HTRA2: variants seen among roughly 807,000 people sequenced by gnomAD.
The protein encoded by HTRA2 is serine protease HTRA2, mitochondrial.
In HTRA2, 24 loss-of-function variants were observed where a neutral mutation model predicts 42.2. The ratio of observed to expected loss-of-function variants is 0.57; its 90% CI spans 0.41 to 0.80. HTRA2 has a LOEUF of 0.80. Among genes scored for constraint, HTRA2 ranks in the 30% least tolerant of loss-of-function variants. The pLI is 0.00. For missense variants in HTRA2, 466 were observed against 613.5 expected (o/e 0.76, Z 2.54); for synonymous variants, 245 against 255.8 (o/e 0.96, Z 0.40).
At position 74,529,935 on chromosome 2, in the gene HTRA2, A is replaced by T. The variant is rs1675461517; in HGVS notation, c.-72A>T. The T allele has an allele frequency of 4.7e-6, 7 of 1,489,732 alleles. No individual in the cohort carries two copies. Among genetic ancestry groups the T allele is most frequent in the Non-Finnish European group, 6.2e-6 (7 of 1,125,334 alleles). 92.3% of individuals were successfully genotyped at this position (1,489,732 alleles called of 1,614,324 possible). On this transcript the variant is annotated 5_prime_UTR_variant, in exon 1 of 8. Transcript: ENST00000258080. ...CAGGTACCGGCGTGCCCCGCGTCCT[A>T]CTGTCCGCCTGCTCGCGTCCTGGGT... is the stretch of plus-strand genomic sequence containing the variant.
upstream of HTRA2, chr2:74,529,770 A>G (rs770889437): frequency 1.2e-4 from 181 of 1,474,564 alleles, no homozygotes; most frequent in Non-Finnish European, 1.6e-4. Flanking sequence ...CGGAAGGGCT[A>G]GCGGTCCCAG....
At position 74,532,268 on chromosome 2, in the gene HTRA2, C is replaced by T. The variant is rs1474974530; in HGVS notation, c.1115+343C>T. 3.9e-5 allele frequency: 19 copies of T among 482,338 alleles called. No individual in the cohort carries two copies. In the East Asian group the frequency reaches 7.4e-4, roughly 19 times the overall value. The allele number at this position is 482,338 out of a possible 1,614,324, so 29.9% of individuals were successfully genotyped here. ...ACTCAGCCAACCTGATTTCCTACTC[C>T]CATGTTTTTTATTTATGCTGTTCTT... On this transcript the variant is annotated intron_variant, in intron 6 of 7. Transcript: ENST00000258080.
upstream of HTRA2, chr2:74,529,582 G>A: frequency 6.4e-7 from 1 of 1,565,922 alleles, no homozygotes; most frequent in South Asian, 1.2e-5. Context: ...TCTCTTACCG[G>A]TGCGAGTCAA....
chr2:74,532,658 C>G lies in HTRA2; in HGVS notation c.1155C>G (p.Pro385=), dbSNP rs150357486. The part of the protein sequence containing the change: ...AELQLREPSF[P]DVQHGVLIHK... ...TACAGCTTCGAGAACCAAGCTTTCC[C>G]GATGTTCAGCATGGTGTACTCATCC... The change falls in exon 7 of 8, where the codon CCC becomes CCG. Residue 385 remains proline, a synonymous_variant. Transcript: ENST00000258080. 1 of 1,613,676 alleles carries G rather than the reference C, an allele frequency of 6.2e-7. No homozygotes were observed. The highest frequency in any genetic ancestry group is 8.5e-7 in the Non-Finnish European group (1 of 1,179,972).
upstream of HTRA2, chr2:74,529,893 G>A: frequency 6.9e-7 from 1 of 1,448,842 alleles, no homozygotes; most frequent in East Asian, 2.4e-5. Context: ...GTCCCGGCGT[G>A]CACTTCTGAA....
At chr2:74,529,808 C>G, upstream of HTRA2, 1 of 1,431,842 alleles carries the variant, frequency 7.0e-7, no homozygotes, top group Non-Finnish European at 9.1e-7. Context: ...TGGGCCGTCT[C>G]ACAACTCGCG....
In HTRA2 at chr2:74,530,398, T is replaced by C; in HGVS notation, c.392T>C (p.Val131Ala). Residue 131 changes from valine to alanine, a missense_variant, in exon 1 of 8, where the codon GTC becomes GCC. Around this residue, in one of 3 missense-constraint regions of HTRA2, gnomAD observed 222 missense variants for 205.1 expected, o/e 1.08. Transcript: ENST00000258080. This position sits in a 1 kb window ranked among gnomAD's most constrained non-coding sequence, Gnocchi z 7.4. ...GGCGGGGGTCGGGGTCCTCCGGCCG[T>C]CCTCGCCGCCGTCCCTAGCCCGCCG... ...LWGGGRGPPA[V>A]LAAVPSPPPA... 6 of 1,594,932 alleles carry C rather than the reference T, an allele frequency of 3.8e-6. No homozygotes were observed. The highest frequency in any genetic ancestry group is 5.1e-6 in the Non-Finnish European group (6 of 1,173,774).
Position 74,530,603 on chromosome 2 carries a change from T to G in HTRA2, c.507-14T>G. On this transcript the variant is annotated splice_polypyrimidine_tract_variant and intron_variant, in intron 1 of 7. Coordinates refer to ENST00000258080, the MANE Select transcript of HTRA2 (RefSeq NM_013247.5). This position sits in a 1 kb window ranked among gnomAD's most constrained non-coding sequence, Gnocchi z 7.4. ...TCAGAGCCTCCTCTTATCTGTGCTT[T>G]CCCTCCATTTCAGGCACCCTTTCTT... 6.2e-7 allele frequency: 1 copy of G among 1,613,954 alleles called. No individual in the cohort carries two copies. The highest frequency in any genetic ancestry group is 8.5e-7 in the Non-Finnish European group (1 of 1,180,026).
chr2:74,532,629 G>T lies in HTRA2; in HGVS notation c.1126G>T (p.Glu376Ter). ...MLTLSPSILA[E>*]LQLREPSFPD... Reference sequence around the variant, plus strand: ...TCTGTGTACTTTCAGCATCCTTGCTGAACTACAGCTTCGAGAACCAAGCTT... The same window carrying T: ...TCTGTGTACTTTCAGCATCCTTGCTTAACTACAGCTTCGAGAACCAAGCTT... The change falls in exon 7 of 8, where the codon GAA becomes TAA. Residue 376 changes from glutamate to a stop codon, truncating the protein, a stop_gained. Transcript: ENST00000258080. LOFTEE classifies it high-confidence loss of function. The T allele has an allele frequency of 6.2e-7, 1 of 1,613,386 alleles. No homozygotes were observed. Among genetic ancestry groups the T allele is most frequent in the South Asian group, 1.1e-5 (1 of 90,924 alleles).
rs1470210087 is a variant in HTRA2, at chr2:74,531,673, G to T, written c.1016G>T (p.Arg339Leu). ...TTTGCCATCCCTTCTGATCGTCTTC[G>T]AGAGTTTCTGCATCGTGGGGAAAAG... ...ISFAIPSDRL[R>L]EFLHRGEKKN... Residue 339 changes from arginine (R) to leucine (L), a missense_variant, in exon 5 of 8, where the codon CGA (arginine) becomes CTA (leucine). Arg to Leu is a moderately radical substitution (Grantham distance 102). Around this residue, in one of 3 missense-constraint regions of HTRA2, gnomAD observed 129 missense variants for 163.1 expected, o/e 0.79. Transcript: ENST00000258080. The T allele has an allele frequency of 1.2e-6, 2 of 1,614,118 alleles. No homozygotes were observed. The highest frequency in any genetic ancestry group is 1.7e-6 in the Non-Finnish European group (2 of 1,180,032).
intron 3 of HTRA2, 65 bp from the exon 4 acceptor site, chr2:74,531,274 C>T (rs1675577537): frequency 6.3e-7 from 1 of 1,586,770 alleles, no homozygotes; most frequent in East Asian, 2.2e-5. Context: ...AAAGTACCTA[C>T]ATCCTGGTAT....
chr2:74,529,815 C>G, upstream of HTRA2: 6 of 1,429,308 alleles, frequency 4.2e-6, no homozygotes, highest in Non-Finnish European at 2.7e-6. Flanking sequence ...TCTCACAACT[C>G]GCGTCCGGCG....
chr2:74,531,983 C>A (rs1675646560), intron 6 of HTRA2, 58 bp downstream of exon 6: 1 of 1,464,374 alleles, frequency 6.8e-7, no homozygotes, highest in Admixed American at 1.7e-5. Flanking sequence ...AGGGGGGCAC[C>A]TCTATTGAGC....
At position 74,530,454 on chromosome 2, in the gene HTRA2, A is replaced by G. The variant is rs758553516; in HGVS notation, c.448A>G (p.Ile150Val). 1 of 1,606,728 alleles carries G rather than the reference A, an allele frequency of 6.2e-7. No homozygotes were observed. The highest frequency in any genetic ancestry group is 8.5e-7 in the Non-Finnish European group (1 of 1,179,916). Residue 150 changes from isoleucine (I) to valine (V), a missense_variant, in exon 1 of 8, where the codon ATC (isoleucine) becomes GTC (valine). By Grantham distance (29) the Ile-to-Val change is conservative. Around this residue, in one of 3 missense-constraint regions of HTRA2, gnomAD observed 115 missense variants for 245.4 expected, o/e 0.47. Transcript: ENST00000258080. The surrounding 1 kb of genome is among the most constrained non-coding windows in gnomAD (Gnocchi z 7.4). ...PASPRSQYNF[I>V]ADVVEKTAPA... ...TTCTCCCCGGAGTCAGTACAACTTCATCGCAGATGTGGTGGAGAAGACAGC... is the reference window on the plus strand; with the variant it reads ...TTCTCCCCGGAGTCAGTACAACTTCGTCGCAGATGTGGTGGAGAAGACAGC...
Position 74,533,110 on chromosome 2 carries a change from A to C in HTRA2, c.*125A>C, listed in dbSNP as rs1325522209. 7.5e-6 allele frequency: 6 copies of C among 802,538 alleles called. No individual in the cohort carries two copies. The highest frequency in any genetic ancestry group is 1.1e-5 in the Non-Finnish European group (5 of 473,768). 49.7% of individuals were successfully genotyped at this position (802,538 alleles called of 1,614,324 possible). A position where few individuals can be genotyped will look rare whatever the true frequency, so the allele number is the denominator to read the frequency against. On this transcript the variant is annotated 3_prime_UTR_variant, in exon 8 of 8. Coordinates refer to ENST00000258080, the MANE Select transcript of HTRA2 (RefSeq NM_013247.5). ...GGGGCAGGTCCCTCCAACCACCAGCACTGACTCCTGGGCTCTGAAGAATCA... is the reference window on the plus strand; with the variant it reads ...GGGGCAGGTCCCTCCAACCACCAGCCCTGACTCCTGGGCTCTGAAGAATCA...
Position 74,533,079 on chromosome 2 carries a change from C to G in HTRA2, c.*94C>G, listed in dbSNP as rs79220020. The G allele has an allele frequency of 1.6e-6, 2 of 1,228,688 alleles. No individual in the cohort carries two copies. Among genetic ancestry groups the G allele is most frequent in the East Asian group, 4.7e-5 (2 of 42,918 alleles). The allele number at this position is 1,228,688 out of a possible 1,614,324, so 76.1% of individuals were successfully genotyped here. On this transcript the variant is annotated 3_prime_UTR_variant, in exon 8 of 8. Coordinates refer to ENST00000258080, the MANE Select transcript of HTRA2 (RefSeq NM_013247.5). ...GCACCGAGACAGAGGGTTAAATGAACCAGTGGGGGCAGGTCCCTCCAACCA... is the reference window on the plus strand; with the variant it reads ...GCACCGAGACAGAGGGTTAAATGAAGCAGTGGGGGCAGGTCCCTCCAACCA...
At chr2:74,529,690 G>C, upstream of HTRA2, 1 of 1,538,816 alleles carries the variant, frequency 6.5e-7, no homozygotes, top group East Asian at 2.4e-5. Flanking sequence ...CCCGGCCGCA[G>C]GGGCTCTTGG....
rs1675693960 is a variant in HTRA2 at position 74,532,613 on chromosome 2, T to C, written c.1116-6T>C. On this transcript the variant is annotated splice_polypyrimidine_tract_variant and splice_region_variant and intron_variant, in intron 6 of 7. Coordinates refer to ENST00000258080, the MANE Select transcript of HTRA2 (RefSeq NM_013247.5). ...TTGGCTAATAGGGTGATCTGTGTACTTTCAGCATCCTTGCTGAACTACAGC... is the reference window on the plus strand; with the variant it reads ...TTGGCTAATAGGGTGATCTGTGTACCTTCAGCATCCTTGCTGAACTACAGC... 1.9e-6 allele frequency: 3 copies of C among 1,612,200 alleles called. No homozygotes were observed. The highest frequency in any genetic ancestry group is 2.5e-6 in the Non-Finnish European group (3 of 1,178,966).
chr2:74,531,486 A>G (rs551545509), intron 4 of HTRA2, 111 bp from the exon 5 acceptor site: 35 of 1,608,064 alleles, frequency 2.2e-5, no homozygotes, highest in Non-Finnish European at 2.7e-5. Context: ...TTTGTTGGCT[A>G]TCTCTCAATA....
Sources: allele counts gnomAD v4.1 joint callset, GRCh38; gene constraint gnomAD v4.1.1; regional missense constraint gnomAD v4.1.1; non-coding constraint Gnocchi (gnomAD v3.1); transcripts MANE v1.5; gene names NCBI Gene and HGNC (gene_info 2026-07-23, HGNC 2026-07-21).